DNAAF9: variants seen among roughly 807,000 people sequenced by gnomAD.
The protein encoded by DNAAF9 is dynein axonemal assembly factor 9.
DNAAF9 carries 90 observed loss-of-function variants against 167.0 expected under a neutral mutation model. The observed-to-expected ratio is 0.54, with a 90% CI of 0.45 to 0.64. DNAAF9 has a LOEUF of 0.64. Ranked by LOEUF, DNAAF9 falls within the 30% of genes least tolerant of loss-of-function variation. DNAAF9 has a pLI of 0.00. For missense variants in DNAAF9, 1,315 were observed against 1,442.2 expected (o/e 0.91, Z 1.43); for synonymous variants, 491 against 508.8 (o/e 0.96, Z 0.47).
chr20:3,397,026 T>C (rs961291625), intron 1 of DNAAF9, among the ~76,000 whole-genome samples: 1 of 152,166 alleles, frequency 6.6e-6, no homozygotes, highest in African/African-American at 2.4e-5. Flanking sequence ...GCAGGCAGAC[T>C]GCTTGAGCCC....
chr20:3,407,261 T>C (rs1339796144), intron 1 of DNAAF9, among the ~76,000 whole-genome samples: 1 of 152,108 alleles, frequency 6.6e-6, no homozygotes, highest in African/African-American at 2.4e-5. Context: ...GGAGCCATTG[T>C]GGGGAAACCG....
chr20:3,380,476 G>A (rs1447731276), intron 3 of DNAAF9, among the ~76,000 whole-genome samples: 1 of 152,160 alleles, frequency 6.6e-6, no homozygotes, highest in Non-Finnish European at 1.5e-5. Flanking sequence ...CTAGGTGACT[G>A]TTCTGTGCAT....
Position 3,262,241 on chromosome 20 carries a change from T to TCA in DNAAF9, c.2873+2195_2873+2196dup, listed in dbSNP as rs553081012. On this transcript the variant is annotated intron_variant, in intron 31 of 36. Transcript: ENST00000252032. ...CTGATCTTCCTGATGAGGAAAAAGT[T>TCA]CACATTCTTTTTTTTTTTTTTTTTT... 2.0e-4 allele frequency among the ~76,000 whole-genome samples: 30 copies of TCA among 151,476 alleles called. 1 individual carries two copies. The East Asian group carries it at 5.4e-3, about 27-fold the overall frequency.
intron 4 of DNAAF9, among the ~76,000 whole-genome samples, 171 bp from the exon 5 acceptor site, chr20:3,375,297 G>GT (rs1324437254): frequency 2.6e-5 from 4 of 152,130 alleles, no homozygotes; most frequent in Admixed American, 1.3e-4. Context: ...AGAAAGACTT[G>GT]TTATGCCCTT....
intron 2 of DNAAF9, 86 bp downstream of exon 2, chr20:3,382,341 C>T (rs1292204801): frequency 2.0e-6 from 2 of 989,278 alleles, no homozygotes. Context: ...GCTTATTTCA[C>T]ATTGCTACTA....
At position 3,380,031 on chromosome 20, in the gene DNAAF9, G is replaced by A. The variant is rs560623361; in HGVS notation, c.283+1348C>T. On this transcript the variant is annotated intron_variant, in intron 3 of 36. Coordinates refer to ENST00000252032, the MANE Select transcript of DNAAF9 (RefSeq NM_001009984.3). The stretch of plus-strand genomic sequence containing the variant: ...AGATCGCACAACTGCACTCCGGCCT[G>A]GGCAACAGAGCAGGACTCTGTTTCA... Among the ~76,000 whole-genome samples the A allele has an allele frequency of 4.6e-5, 7 of 152,298 alleles. No homozygotes were observed. The South Asian group carries it at 1.5e-3, about 32-fold the overall frequency.
At chr20:3,331,041 C>G (rs1356041885) in intron 11 of DNAAF9, among the ~76,000 whole-genome samples, 1 of 152,144 alleles carries the variant, frequency 6.6e-6, no homozygotes, top group Admixed American at 6.6e-5. Flanking sequence ...ATCCACCCAC[C>G]TCAGCTTCCA....
chr20:3,309,714 C>T (rs2069367298), intron 20 of DNAAF9, among the ~76,000 whole-genome samples: 1 of 152,070 alleles, frequency 6.6e-6, no homozygotes, highest in South Asian at 2.1e-4. Context: ...TATAATTCAA[C>T]AGAAAAGTCT....
chr20:3,254,575 G>A (rs868798735), intron 35 of DNAAF9, among the ~76,000 whole-genome samples: 108 of 152,312 alleles, frequency 7.1e-4, no homozygotes, highest in African/African-American at 2.4e-3. Context: ...CAGGTTGTCC[G>A]GGCCTATAGG....
intron 10 of DNAAF9, among the ~76,000 whole-genome samples, chr20:3,338,589 C>G (rs908188594): frequency 6.6e-6 from 1 of 151,518 alleles, no homozygotes; most frequent in Non-Finnish European, 1.5e-5. Flanking sequence ...CTTTCTTCTT[C>G]AGGTATTCCC....
At chr20:3,285,535 C>T (rs2068835643) in intron 27 of DNAAF9, among the ~76,000 whole-genome samples, 1 of 151,848 alleles carries the variant, frequency 6.6e-6, no homozygotes, top group East Asian at 1.9e-4. Flanking sequence ...AAAAATTAGC[C>T]AGGCGTGGTG....
intron 6 of DNAAF9, among the ~76,000 whole-genome samples, chr20:3,369,011 C>T (rs1005309994): frequency 1.3e-5 from 2 of 152,050 alleles, no homozygotes; most frequent in Non-Finnish European, 2.9e-5. Flanking sequence ...TGCCTGTAAT[C>T]CCAGCTTCTC....
intron 1 of DNAAF9, among the ~76,000 whole-genome samples, chr20:3,391,742 G>A (rs1242746784): frequency 3.3e-5 from 5 of 151,968 alleles, no homozygotes; most frequent in Non-Finnish European, 1.5e-5. Flanking sequence ...AACCACGCCT[G>A]GCTAATTTTG....
chr20:3,274,425 G>C (rs931279208), intron 29 of DNAAF9, among the ~76,000 whole-genome samples: 55 of 152,306 alleles, frequency 3.6e-4, no homozygotes, highest in African/African-American at 1.3e-3. Flanking sequence ...ATGCAGGTGT[G>C]AGCCACTGCG....
In DNAAF9 at chr20:3,348,628, GA is replaced by G. The variant is rs781117986; in HGVS notation, c.691-6del. ...ATGTTCAAAAGCCACCAAATCCTGGGAAAAAAAGGAAAAAGATAACGTGTTT... is the reference window on the plus strand; with the variant it reads ...ATGTTCAAAAGCCACCAAATCCTGGGAAAAAAGGAAAAAGATAACGTGTTT... On this transcript the variant is annotated splice_region_variant and splice_polypyrimidine_tract_variant and intron_variant, in intron 7 of 36. Transcript: ENST00000252032. 34 of 1,555,984 alleles carry G rather than the reference GA, an allele frequency of 2.2e-5. No individual in the cohort carries two copies. Among genetic ancestry groups the G allele is most frequent in the Admixed American group, 3.7e-5 (2 of 53,828 alleles).
chr20:3,324,044 GGCA>G (rs1568604724), intron 14 of DNAAF9, among the ~76,000 whole-genome samples: 1 of 152,146 alleles, frequency 6.6e-6, no homozygotes, highest in Non-Finnish European at 1.5e-5. Flanking sequence ...TCATGGCCAG[GGCA>G]GCAAGATCCA....
At chr20:3,296,233 C>T in intron 23 of DNAAF9, 1 of 500,750 alleles carries the variant, frequency 2.0e-6, no homozygotes, top group Non-Finnish European at 3.9e-6. Context: ...CGCACCACTG[C>T]ACTCTACCCG....
At chr20:3,304,338 T>G in intron 21 of DNAAF9, 102 bp downstream of exon 21, 1 of 716,470 alleles carries the variant, frequency 1.4e-6, no homozygotes, top group Non-Finnish European at 2.5e-6. Flanking sequence ...CCTGACATAC[T>G]GCCCTGTGGT....
intron 1 of DNAAF9, among the ~76,000 whole-genome samples, chr20:3,397,934 G>A (rs1013755868): frequency 2.0e-5 from 3 of 152,102 alleles, no homozygotes; most frequent in Non-Finnish European, 4.4e-5. Flanking sequence ...GATTATGCCA[G>A]CCTCAGAGAA....
Sources: allele counts gnomAD v4.1 joint callset (sites outside exome capture counted in the v4.1 genomes callset), GRCh38; gene constraint gnomAD v4.1.1; transcripts MANE v1.5; gene names NCBI Gene and HGNC (gene_info 2026-07-23, HGNC 2026-07-21).